Variants in EYA1 observed in about 807,000 individuals in gnomAD.
The protein encoded by EYA1 is EYA transcriptional coactivator and phosphatase 1, also known as protein phosphatase EYA1.
In EYA1, 16 loss-of-function variants were observed where a neutral mutation model predicts 82.0. The observed-to-expected ratio is 0.20, with a 90% CI of 0.13 to 0.30. The LOEUF is 0.30. EYA1 is among the 10% of genes least tolerant of loss of function. The probability of loss-of-function intolerance (pLI) is 1.00; values close to 1 mark genes in which losing one functional copy is unlikely to be tolerated. For synonymous variants in EYA1, 261 were observed against 264.4 expected (o/e 0.99, Z 0.12); for missense variants, 633 against 730.7 (o/e 0.87, Z 1.54).
chr8:71,528,220 T>A (rs978505813), intron 2 of EYA1, among the ~76,000 whole-genome samples: 1 of 152,132 alleles, frequency 6.6e-6, no homozygotes, highest in African/African-American at 2.4e-5. Flanking sequence ...ACAAGCAATT[T>A]TCATCTTTGT....
intron 9 of EYA1, among the ~76,000 whole-genome samples, chr8:71,294,428 C>T (rs892364159): frequency 1.3e-5 from 2 of 151,766 alleles, no homozygotes; most frequent in African/African-American, 4.8e-5. Context: ...CCACGCCCTC[C>T]AGCCTGGGCG....
At chr8:71,531,568 T>C (rs1258625739) in intron 2 of EYA1, among the ~76,000 whole-genome samples, 1 of 152,146 alleles carries the variant, frequency 6.6e-6, no homozygotes, top group African/African-American at 2.4e-5. Flanking sequence ...TTTTTTTTTA[T>C]CTTGACATGA....
At chr8:71,503,672 T>A (rs1811983658) in intron 2 of EYA1, among the ~76,000 whole-genome samples, 1 of 152,224 alleles carries the variant, frequency 6.6e-6, no homozygotes, top group Non-Finnish European at 1.5e-5. Context: ...AATAACTACT[T>A]CTTCGACAAA....
At chr8:71,433,598 G>A (rs973839559) in intron 2 of EYA1, among the ~76,000 whole-genome samples, 6 of 152,174 alleles carry the variant, frequency 3.9e-5, no homozygotes, top group African/African-American at 1.2e-4. Flanking sequence ...AACAGGCAAC[G>A]TAACAATCCA....
intron 2 of EYA1, among the ~76,000 whole-genome samples, chr8:71,492,718 A>T (rs1054166902): frequency 6.6e-6 from 1 of 151,134 alleles, no homozygotes; most frequent in African/African-American, 2.4e-5. Flanking sequence ...ACCCTCCTCG[A>T]CCTCCCAAAG....
chr8:71,534,812 A>G (rs558123908), intron 2 of EYA1, among the ~76,000 whole-genome samples: 14 of 151,738 alleles, frequency 9.2e-5, no homozygotes, highest in Middle Eastern at 3.4e-3. Context: ...GCAAACCACC[A>G]TGTTGCACAT....
intron 2 of EYA1, among the ~76,000 whole-genome samples, chr8:71,496,849 G>A (rs961672838): frequency 6.6e-6 from 1 of 151,216 alleles, no homozygotes; most frequent in African/African-American, 2.4e-5. Flanking sequence ...GCCAGAAAAA[G>A]CCTGGTATCT....
At chr8:71,486,481 T>C (rs58986974) in intron 2 of EYA1, among the ~76,000 whole-genome samples, 3,141 of 152,266 alleles carry the variant, frequency 0.021, 103 homozygotes, top group African/African-American at 0.071. Context: ...GGGTCCTTTT[T>C]CTCCTGCCCA....
intron 2 of EYA1, among the ~76,000 whole-genome samples, chr8:71,508,140 C>T (rs1422185136): frequency 6.6e-6 from 1 of 152,190 alleles, no homozygotes; most frequent in African/African-American, 2.4e-5. Flanking sequence ...TGCTTCTGCA[C>T]TTTCTCCTTC....
intron 3 of EYA1, among the ~76,000 whole-genome samples, chr8:71,351,094 T>C (rs564018630): frequency 4.7e-4 from 71 of 152,288 alleles, no homozygotes; most frequent in African/African-American, 1.6e-3. Flanking sequence ...TTAAAAGCTA[T>C]GCTTTAACAA....
chr8:71,534,299 T>TAAAA (rs2129286687), intron 2 of EYA1, among the ~76,000 whole-genome samples: 1 of 152,364 alleles, frequency 6.6e-6, no homozygotes, highest in East Asian at 1.9e-4. Context: ...CATAGGAGTT[T>TAAAA]AAACAAACAA....
At chr8:71,546,328 C>T (rs1815570964) in intron 1 of EYA1, among the ~76,000 whole-genome samples, 1 of 152,076 alleles carries the variant, frequency 6.6e-6, no homozygotes, top group South Asian at 2.1e-4. Flanking sequence ...GCACATTTTC[C>T]AATAGTAGCT....
At chr8:71,528,497 A>G (rs964846698) in intron 2 of EYA1, among the ~76,000 whole-genome samples, 24 of 152,166 alleles carry the variant, frequency 1.6e-4, no homozygotes, top group African/African-American at 5.8e-4. Flanking sequence ...CTCTCAGATC[A>G]CATTCTATCC....
chr8:71,450,427 CG>C (rs1490471240), intron 2 of EYA1, among the ~76,000 whole-genome samples: 3 of 152,022 alleles, frequency 2.0e-5, no homozygotes, highest in Non-Finnish European at 4.4e-5. Context: ...GATGGGAGAG[CG>C]GGTGGTAAGT....
chr8:71,258,386 G>A (rs1284449419), intron 11 of EYA1, among the ~76,000 whole-genome samples: 2 of 152,176 alleles, frequency 1.3e-5, no homozygotes, highest in East Asian at 3.9e-4. Context: ...AACTTGAGAA[G>A]GGTGCCATTT....
intron 2 of EYA1, among the ~76,000 whole-genome samples, chr8:71,400,120 C>T (rs1586636776): frequency 1.3e-5 from 2 of 152,042 alleles, no homozygotes; most frequent in African/African-American, 2.4e-5. Context: ...TGGACCCCTT[C>T]CTTACACCTT....
At chr8:71,517,104 C>CT in intron 2 of EYA1, among the ~76,000 whole-genome samples, 2 of 152,066 alleles carry the variant, frequency 1.3e-5, no homozygotes, top group East Asian at 1.9e-4. Context: ...CCCCATAAAT[C>CT]TTTTTTTGTT....
chr8:71,437,937 T>C (rs1806128462), intron 2 of EYA1, among the ~76,000 whole-genome samples: 1 of 152,136 alleles, frequency 6.6e-6, no homozygotes, highest in Non-Finnish European at 1.5e-5. Flanking sequence ...AAAGAATGAT[T>C]ACTTGGGGAT....
intron 7 of EYA1, among the ~76,000 whole-genome samples, chr8:71,310,201 A>C (rs969170423): frequency 4.3e-4 from 66 of 152,072 alleles, no homozygotes; most frequent in African/African-American, 1.5e-3. Context: ...TATTAACACA[A>C]GGAAAGATGG....
Sources: allele counts gnomAD v4.1 joint callset (sites outside exome capture counted in the v4.1 genomes callset), GRCh38; gene constraint gnomAD v4.1.1; transcripts MANE v1.5; gene names NCBI Gene and HGNC (gene_info 2026-07-23, HGNC 2026-07-21).